The following DMD variants were observed in gnomAD, a reference collection of about 807,000 sequenced individuals.
The protein encoded by DMD is dystrophin.
Under a neutral mutation model 330.1 loss-of-function variants are expected in DMD, and 63 were observed. The ratio of observed to expected loss-of-function variants is 0.19; its 90% confidence interval spans 0.16 to 0.24. DMD has a LOEUF of 0.24. DMD is among the 10% of genes least tolerant of loss of function. DMD has a pLI of 1.00. For synonymous variants in DMD, 1,223 were observed against 959.8 expected, an observed-to-expected ratio of 1.27 and a Z score of -5.07; for missense variants, 3,344 against 2,684.1, an observed-to-expected ratio of 1.25 and a Z score of -5.43.
Position 31,773,982 on chromosome X carries a change from T to C in DMD, c.7520A>G (p.Asn2507Ser), listed in dbSNP as rs772316082. ...RVMVGDLEDI[N>S]EMIIKQKATM... is the part of the protein sequence containing the mutation. ...TACCTTCTGCTTGATGATCATCTCG[T>C]TGATATCCTCAAGGTCACCCACCAT... Residue 2507 changes from asparagine (N) to serine (S), a missense_variant, in exon 51 of 79, where the codon AAC (asparagine) becomes AGC (serine). Asn to Ser is a conservative substitution (Grantham distance 46). Coordinates refer to ENST00000357033, the MANE Select transcript of DMD (RefSeq NM_004006.3). 36 of 1,205,300 alleles carry C rather than the reference T, an allele frequency of 3.0e-5. No individual in the cohort carries two copies. Among genetic ancestry groups the C allele is most frequent in the South Asian group, 1.9e-4 (11 of 56,577 alleles).
At chrX:33,276,947 CCTT>C (rs1215249696) in intron 1 of DMD, among the ~76,000 whole-genome samples, 1 of 111,845 alleles carries the variant, frequency 8.9e-6, no homozygotes, top group Non-Finnish European at 1.9e-5. Flanking sequence ...AATCCATAAA[CCTT>C]CTTCTGATTT....
intron 56 of DMD, among the ~76,000 whole-genome samples, chrX:31,498,646 C>T (rs2070104340): frequency 8.9e-6 from 1 of 111,864 alleles, no homozygotes; most frequent in African/African-American, 3.2e-5. Context: ...CCAGGTTATC[C>T]CTCAGAGGTA....
chrX:31,540,388 T>C (rs1431102561), intron 55 of DMD, among the ~76,000 whole-genome samples: 1 of 112,262 alleles, frequency 8.9e-6, no homozygotes, highest in Non-Finnish European at 1.9e-5. Flanking sequence ...AGTGAGATTT[T>C]GAAGGAAAAG....
At chrX:31,753,911 T>G in intron 51 of DMD, among the ~76,000 whole-genome samples, 1 of 111,571 alleles carries the variant, frequency 9.0e-6, no homozygotes, top group Middle Eastern at 4.7e-3. Flanking sequence ...GTTAACCAAC[T>G]TTTTCTATGA....
intron 62 of DMD, among the ~76,000 whole-genome samples, chrX:31,284,032 C>T (rs1314212436): frequency 8.9e-6 from 1 of 112,258 alleles, no homozygotes; most frequent in Non-Finnish European, 1.9e-5. Flanking sequence ...TCAGCCTAGC[C>T]TACCTTAAAC....
chrX:31,586,778 G>A (rs776174646), intron 55 of DMD, among the ~76,000 whole-genome samples: 26 of 111,959 alleles, frequency 2.3e-4, no homozygotes, highest in African/African-American at 4.5e-4. Flanking sequence ...GTATCTATTT[G>A]AGACAACTCT....
At chrX:31,740,110 C>T (rs1014576471) in intron 51 of DMD, among the ~76,000 whole-genome samples, 27 of 110,614 alleles carry the variant, frequency 2.4e-4, no homozygotes, top group Non-Finnish European at 4.2e-4. Flanking sequence ...GTGTAAATTG[C>T]GGATCTTGAA....
At chrX:31,399,342 G>T (rs1175118237) in intron 60 of DMD, among the ~76,000 whole-genome samples, 1 of 105,177 alleles carries the variant, frequency 9.5e-6, no homozygotes, top group Non-Finnish European at 1.9e-5. Context: ...CTAAAGTCAA[G>T]CCGCTTCTCT....
chrX:31,505,562 A>G (rs1327387422), intron 56 of DMD, among the ~76,000 whole-genome samples: 11 of 111,456 alleles, frequency 9.9e-5, no homozygotes, highest in Non-Finnish European at 1.9e-5. Context: ...CTTTCTTTAT[A>G]TGCTACGGTA....
At chrX:32,623,719 G>T (rs1192089917) in intron 11 of DMD, among the ~76,000 whole-genome samples, 5 of 109,921 alleles carry the variant, frequency 4.5e-5, no homozygotes, top group Non-Finnish European at 9.5e-5. Context: ...TATAGATGTG[G>T]TCTCCCTATG....
chrX:33,055,185 C>T (rs1259889435), intron 1 of DMD, among the ~76,000 whole-genome samples: 1 of 111,385 alleles, frequency 9.0e-6, no homozygotes, highest in East Asian at 2.8e-4. Context: ...AGTGGAATAT[C>T]TTAGAAGCCA....
chrX:31,962,717 A>G (rs2095317558), intron 45 of DMD, among the ~76,000 whole-genome samples: 1 of 112,121 alleles, frequency 8.9e-6, no homozygotes, highest in African/African-American at 3.2e-5. Context: ...GTGGCTATGC[A>G]AAAATACTGC....
intron 1 of DMD, among the ~76,000 whole-genome samples, chrX:33,227,074 C>T (rs1407378860): frequency 9.1e-6 from 1 of 109,377 alleles, no homozygotes; most frequent in Non-Finnish European, 1.9e-5. Context: ...TTCTGGGTAT[C>T]GTTTAAATAA....
At chrX:31,169,365 G>T in intron 74 of DMD, 78 bp downstream of exon 74, 2 of 751,401 alleles carry the variant, frequency 2.7e-6, no homozygotes, top group Non-Finnish European at 4.1e-6. Context: ...GACTCTAAGT[G>T]AAGATTCCTG....
At chrX:31,422,587 T>C (rs1363502599) in intron 60 of DMD, among the ~76,000 whole-genome samples, 2 of 111,886 alleles carry the variant, frequency 1.8e-5, no homozygotes, top group African/African-American at 6.5e-5. Context: ...ATGAATTTGT[T>C]GTCACTGAAA....
In DMD at chrX:31,808,092, C is replaced by A. The variant is rs909638209; in HGVS notation, c.7309+11883G>T. On this transcript the variant is annotated intron_variant, in intron 50 of 78. Coordinates refer to ENST00000357033, the MANE Select transcript of DMD (RefSeq NM_004006.3). ...AGAGCAAGGCATTAATGCGTGTTAG[C>A]CCTAAGATAAATATTAGGTATGTTC... is the stretch of plus-strand genomic sequence containing the variant. Among the ~76,000 whole-genome samples, 14 of 111,738 alleles carry A rather than the reference C, an allele frequency of 1.3e-4. No homozygotes were observed. The East Asian group carries it at 1.4e-3, about 11-fold the overall frequency.
intron 7 of DMD, among the ~76,000 whole-genome samples, chrX:32,783,294 A>G (rs2075036663): frequency 1.0e-5 from 1 of 100,410 alleles, no homozygotes; most frequent in Admixed American, 1.1e-4. Flanking sequence ...ATATATACAC[A>G]CATATATGTA....
chrX:31,789,109 C>T (rs187084138), intron 50 of DMD, among the ~76,000 whole-genome samples: 221 of 111,021 alleles, frequency 2.0e-3, no homozygotes, highest in African/African-American at 6.7e-3. Context: ...TTTACTACTG[C>T]CATTTAAAAA....
chrX:32,784,416 A>C (rs1264832321), intron 7 of DMD, among the ~76,000 whole-genome samples: 1 of 112,143 alleles, frequency 8.9e-6, no homozygotes. Context: ...GTGTGGACTT[A>C]CAATGACTTT....
Sources: allele counts gnomAD v4.1 joint callset (sites outside exome capture counted in the v4.1 genomes callset), GRCh38; gene constraint gnomAD v4.1.1; transcripts MANE v1.5; gene names NCBI Gene and HGNC (gene_info 2026-07-23, HGNC 2026-07-21).